The following SLC44A5 variants were observed in gnomAD, a reference collection of about 807,000 sequenced individuals.
SLC44A5 encodes solute carrier family 44 member 5, also known as choline transporter-like protein 5.
A neutral mutation model predicts 101.8 loss-of-function variants in SLC44A5; 57 were observed. The observed-to-expected ratio is 0.56, with a 90% CI of 0.45 to 0.70. The LOEUF (loss-of-function observed/expected upper bound fraction) is 0.70. Among genes scored for constraint, SLC44A5 ranks in the 30% least tolerant of loss-of-function variants. The pLI is 0.00. For synonymous variants in SLC44A5, 281 were observed against 290.9 expected, an observed-to-expected ratio of 0.97 and a Z score of 0.35; for missense variants, 737 against 853.1, an observed-to-expected ratio of 0.86 and a Z score of 1.70.
At chr1:75,305,145 A>G (rs1383936045) in intron 4 of SLC44A5, among the ~76,000 whole-genome samples, 1 of 152,194 alleles carries the variant, frequency 6.6e-6, no homozygotes, top group Non-Finnish European at 1.5e-5. Flanking sequence ...CAAATATTGT[A>G]TGCCTATAAT....
intron 4 of SLC44A5, among the ~76,000 whole-genome samples, chr1:75,310,253 G>T (rs552272921): frequency 2.0e-5 from 3 of 152,152 alleles, no homozygotes; most frequent in African/African-American, 7.2e-5. Context: ...CTGAGCTGGG[G>T]TGGTGCATCA....
intron 2 of SLC44A5, among the ~76,000 whole-genome samples, chr1:75,527,017 C>T (rs1158414606): frequency 6.6e-6 from 1 of 151,746 alleles, no homozygotes; most frequent in African/African-American, 2.4e-5. Context: ...CACCTGTAAT[C>T]CCAGCTACTC....
At chr1:75,543,413 A>T (rs211741) in intron 1 of SLC44A5, among the ~76,000 whole-genome samples, 12 of 151,666 alleles carry the variant, frequency 7.9e-5, no homozygotes, top group Non-Finnish European at 1.6e-4. Context: ...CCGCAAAAAT[A>T]TCTGAGTTGT....
the SLC44A5 span, among the ~76,000 whole-genome samples, chr1:75,625,612 C>A: frequency 6.6e-6 from 1 of 152,148 alleles, no homozygotes; most frequent in Non-Finnish European, 1.5e-5. Flanking sequence ...CTTTTGACAA[C>A]TCCCATAATA....
At chr1:75,712,804 ATT>A in the SLC44A5 span, among the ~76,000 whole-genome samples, 1 of 151,282 alleles carries the variant, frequency 6.6e-6, no homozygotes, top group Admixed American at 6.6e-5. Flanking sequence ...CTTTTTTTCT[ATT>A]TATCTGAGGG....
intron 3 of SLC44A5, among the ~76,000 whole-genome samples, chr1:75,348,062 C>A (rs1322943393): frequency 6.6e-6 from 1 of 152,010 alleles, no homozygotes; most frequent in Non-Finnish European, 1.5e-5. Flanking sequence ...TAGTAGAAAA[C>A]TGTGAGGATA....
intron 3 of SLC44A5, among the ~76,000 whole-genome samples, chr1:75,359,521 C>T (rs976026153): frequency 2.0e-5 from 3 of 151,716 alleles, no homozygotes; most frequent in African/African-American, 7.3e-5. Context: ...GATTACAGGC[C>T]TGAGCCACCA....
intron 6 of SLC44A5, among the ~76,000 whole-genome samples, chr1:75,273,455 A>G (rs1651658955): frequency 6.6e-6 from 1 of 151,830 alleles, no homozygotes; most frequent in African/African-American, 2.4e-5. Context: ...GTCTTTTTCC[A>G]GTTCTCAGGG....
At chr1:75,330,130 C>T (rs1231178557) in intron 4 of SLC44A5, among the ~76,000 whole-genome samples, 5 of 142,592 alleles carry the variant, frequency 3.5e-5, no homozygotes, top group East Asian at 2.0e-4. Context: ...CACACACACA[C>T]ACACACACAC....
At chr1:75,547,307 A>C (rs941060417) in intron 1 of SLC44A5, among the ~76,000 whole-genome samples, 3 of 152,216 alleles carry the variant, frequency 2.0e-5, no homozygotes, top group Non-Finnish European at 2.9e-5. Context: ...CTGTCTGAAA[A>C]ATTATAGATG....
At chr1:75,513,394 G>A (rs59981458) in intron 2 of SLC44A5, among the ~76,000 whole-genome samples, 21,932 of 152,124 alleles carry the variant, frequency 0.14, 1,773 homozygotes, top group African/African-American at 0.19. Context: ...TTTAAAATCT[G>A]AGCATTTGTA....
At chr1:75,385,008 A>G (rs977556977) in intron 3 of SLC44A5, among the ~76,000 whole-genome samples, 23 of 152,292 alleles carry the variant, frequency 1.5e-4, no homozygotes, top group African/African-American at 5.3e-4. Context: ...TTTGAAACCA[A>G]TGAGAACAAA....
chr1:75,280,443 G>GTA lies in SLC44A5; in HGVS notation c.176-5403_176-5402dup, dbSNP rs1491530367. On this transcript the variant is annotated intron_variant, in intron 5 of 23. Transcript: ENST00000370859. ...ATATATATTGTATATATTATATATA[G>GTA]TATATATTATATATAGTATATATAA... Among the ~76,000 whole-genome samples, 5 of 90,976 alleles carry GTA rather than the reference G, an allele frequency of 5.5e-5. 1 individual carries two copies. In the South Asian group the frequency reaches 1.1e-3, roughly 20 times the overall value. The allele number at this position is 90,976 out of a possible 152,430, so 59.7% of individuals were successfully genotyped here.
At chr1:75,474,848 A>G (rs1667296721) in intron 2 of SLC44A5, among the ~76,000 whole-genome samples, 1 of 152,228 alleles carries the variant, frequency 6.6e-6, no homozygotes, top group Non-Finnish European at 1.5e-5. Flanking sequence ...TGCTCTTTTC[A>G]TATAATTTGT....
chr1:75,407,006 G>C (rs111788869), intron 2 of SLC44A5, among the ~76,000 whole-genome samples: 2,168 of 151,954 alleles, frequency 0.014, 67 homozygotes, highest in African/African-American at 0.049. Flanking sequence ...GCAACTTCAG[G>C]AAAGTCTCAG....
the SLC44A5 span, among the ~76,000 whole-genome samples, chr1:75,719,796 C>T: frequency 2.0e-5 from 3 of 152,212 alleles, no homozygotes; most frequent in East Asian, 1.9e-4. Context: ...AGAAATTCAA[C>T]GAAGCCTGTC....
rs1310949280 is a variant in SLC44A5, at chr1:75,302,828, G to C, written c.102-2143C>G. Among the ~76,000 whole-genome samples, 3 of 152,300 alleles carry C rather than the reference G, an allele frequency of 2.0e-5. No individual in the cohort carries two copies. The East Asian group carries it at 5.8e-4, about 29-fold the overall frequency. On this transcript the variant is annotated intron_variant, in intron 4 of 23. Transcript: ENST00000370859. ...AGTGGCAAAAGGGCAGGCAGGTTAG[G>C]TGGCCTGGATAACGTGGATACAGTG... is the stretch of plus-strand genomic sequence containing the variant.
chr1:75,277,939 A>C (rs1391173785), intron 5 of SLC44A5, among the ~76,000 whole-genome samples: 1 of 152,150 alleles, frequency 6.6e-6, no homozygotes, highest in Non-Finnish European at 1.5e-5. Flanking sequence ...GAGGAAAAAA[A>C]GGAGATGGGC....
At chr1:75,246,728 A>T (rs1649139726) in intron 7 of SLC44A5, among the ~76,000 whole-genome samples, 1 of 152,020 alleles carries the variant, frequency 6.6e-6, no homozygotes. Flanking sequence ...TAAGAAGGTA[A>T]CATTTGCAGA....
Sources: gnomAD v4.1 joint callset for allele counts (sites outside exome capture counted in the v4.1 genomes callset) on GRCh38, gnomAD v4.1.1 for gene constraint, MANE v1.5 for transcripts, NCBI Gene and HGNC (gene_info 2026-07-23, HGNC 2026-07-21) for gene names.